The following KCNG2 variants were observed in gnomAD, a reference collection of about 807,000 sequenced individuals.
KCNG2 encodes the protein potassium voltage-gated channel modifier subfamily G member 2, also known as voltage-gated potassium channel regulatory subunit KCNG2.
A neutral mutation model predicts 12.3 loss-of-function variants in KCNG2; 7 were observed. The ratio of observed to expected loss-of-function variants is 0.57; its 90% CI spans 0.32 to 1.07. The LOEUF is 1.07. KCNG2 is among the 50% of genes least tolerant of loss of function. KCNG2 has a pLI of 0.04. For missense variants in KCNG2, 703 were observed against 726.0 expected, an observed-to-expected ratio of 0.97 and a Z score of 0.36; for synonymous variants, 414 against 351.4, an observed-to-expected ratio of 1.18 and a Z score of -1.99.
intron 1 of KCNG2, among the ~76,000 whole-genome samples, chr18:79,842,508 A>G (rs1978491979): frequency 6.6e-6 from 1 of 150,686 alleles, no homozygotes; most frequent in Non-Finnish European, 1.5e-5. Flanking sequence ...CAATAATGAA[A>G]CCTAAAGAAA....
intron 1 of KCNG2, among the ~76,000 whole-genome samples, chr18:79,833,518 A>G (rs1288191182): frequency 6.6e-6 from 1 of 152,198 alleles, no homozygotes. Flanking sequence ...TTTCAATTGC[A>G]TGTTGTTAGC....
At chr18:79,857,210 G>A (rs774788853) in intron 2 of KCNG2, among the ~76,000 whole-genome samples, 11 of 147,856 alleles carry the variant, frequency 7.4e-5, no homozygotes, top group South Asian at 2.2e-4. Flanking sequence ...TGAACCTTGG[G>A]GCACAGAGGC....
At position 79,897,810 on chromosome 18, in the gene KCNG2, G is replaced by A. The variant is rs561792305; in HGVS notation, c.625-1230G>A. 2.0e-4 allele frequency among the ~76,000 whole-genome samples: 31 copies of A among 152,138 alleles called. No individual in the cohort carries two copies. In the Middle Eastern group the frequency reaches 0.01, roughly 50 times the overall value. On this transcript the variant is annotated intron_variant, in intron 3 of 3. Coordinates refer to ENST00000316249, the MANE Select transcript of KCNG2 (RefSeq NM_012283.2). ...CCTCTTCCTCCCCAGCAACAGTCTCGGTGTCGAAGCACCAGTGTGCCACCG... is the reference window on the plus strand; with the variant it reads ...CCTCTTCCTCCCCAGCAACAGTCTCAGTGTCGAAGCACCAGTGTGCCACCG...
At chr18:79,890,981 G>A (rs1980725254) in intron 3 of KCNG2, among the ~76,000 whole-genome samples, 1 of 152,098 alleles carries the variant, frequency 6.6e-6, no homozygotes, top group African/African-American at 2.4e-5. Flanking sequence ...AAGATTTGTT[G>A]ATTTTGTTGA....
intron 3 of KCNG2, among the ~76,000 whole-genome samples, chr18:79,883,368 A>G (rs762382488): frequency 6.6e-6 from 1 of 152,222 alleles, no homozygotes; most frequent in South Asian, 2.1e-4. Context: ...GTCCAGACCC[A>G]TAAAGCTGAG....
intron 1 of KCNG2, among the ~76,000 whole-genome samples, chr18:79,849,018 G>C (rs1003775719): frequency 5.9e-5 from 9 of 152,108 alleles, no homozygotes; most frequent in African/African-American, 1.9e-4. Context: ...GTGCTTCCTG[G>C]ACACGGGACC....
In KCNG2 at chr18:79,829,923, G is replaced by A. The variant is rs138666541; in HGVS notation, c.-114-26456G>A. On this transcript the variant is annotated intron_variant, in intron 1 of 3. Coordinates refer to ENST00000316249, the MANE Select transcript of KCNG2 (RefSeq NM_012283.2). ...AAGAAAAAGGTACCAATTCTGCGAAGCTATTATGTTTTCATTTGTCTTGTC... is the reference window on the plus strand; with the variant it reads ...AAGAAAAAGGTACCAATTCTGCGAAACTATTATGTTTTCATTTGTCTTGTC... Among the ~76,000 whole-genome samples, 432 of 152,352 alleles carry A rather than the reference G, an allele frequency of 2.8e-3. 1 individual carries two copies. Among genetic ancestry groups the A allele is most frequent in the Non-Finnish European group, 4.3e-3 (293 of 68,036 alleles).
At chr18:79,836,244 A>C (rs1199483850) in intron 1 of KCNG2, among the ~76,000 whole-genome samples, 3 of 152,262 alleles carry the variant, frequency 2.0e-5, no homozygotes, top group Admixed American at 2.0e-4. Context: ...TGTATTTGAT[A>C]AGGTAGACTT....
At chr18:79,856,299 C>T (rs770121993) in intron 1 of KCNG2, among the ~76,000 whole-genome samples, 80 bp from the exon 2 acceptor site, 27 of 152,184 alleles carry the variant, frequency 1.8e-4, no homozygotes, top group Non-Finnish European at 3.7e-4. Flanking sequence ...AGGGGTGGGG[C>T]GTCAGAGCCA....
chr18:79,798,769 C>T (rs1173853832), intron 1 of KCNG2, among the ~76,000 whole-genome samples: 1 of 152,204 alleles, frequency 6.6e-6, no homozygotes, highest in Non-Finnish European at 1.5e-5. Flanking sequence ...TCACTGGGGA[C>T]GAGAAGGGTC....
intron 1 of KCNG2, among the ~76,000 whole-genome samples, chr18:79,835,717 C>T (rs959115716): frequency 6.6e-6 from 1 of 152,152 alleles, no homozygotes; most frequent in Non-Finnish European, 1.5e-5. Context: ...TGTGAAAATT[C>T]CTGATGTGGC....
At chr18:79,801,454 G>A (rs1306828205) in intron 1 of KCNG2, among the ~76,000 whole-genome samples, 1 of 152,222 alleles carries the variant, frequency 6.6e-6, no homozygotes, top group Non-Finnish European at 1.5e-5. Context: ...GGCCACACCT[G>A]CCCCGCACTG....
At chr18:79,847,013 C>T (rs891026323) in intron 1 of KCNG2, among the ~76,000 whole-genome samples, 1 of 152,198 alleles carries the variant, frequency 6.6e-6, no homozygotes, top group Non-Finnish European at 1.5e-5. Context: ...GTAAGTGACA[C>T]CTGAACCAAA....
chr18:79,867,630 G>C (rs1488872086), intron 3 of KCNG2, among the ~76,000 whole-genome samples: 3 of 151,944 alleles, frequency 2.0e-5, no homozygotes, highest in African/African-American at 4.8e-5. Flanking sequence ...CCTGGGCCTG[G>C]GGGTTTGTGT....
At chr18:79,804,479 T>TG (rs900624610) in intron 1 of KCNG2, among the ~76,000 whole-genome samples, 9 of 152,134 alleles carry the variant, frequency 5.9e-5, no homozygotes, top group African/African-American at 1.7e-4. Flanking sequence ...GCTGTGGCTG[T>TG]GGGGGGCCCT....
Position 79,887,954 on chromosome 18 carries a change from G to A in KCNG2, c.625-11086G>A, listed in dbSNP as rs933002697. Among the ~76,000 whole-genome samples, 13 of 152,258 alleles carry A rather than the reference G, an allele frequency of 8.5e-5. No individual in the cohort carries two copies. In the Middle Eastern group the frequency reaches 0.01, roughly 120 times the overall value. On this transcript the variant is annotated intron_variant, in intron 3 of 3. Coordinates refer to ENST00000316249, the MANE Select transcript of KCNG2 (RefSeq NM_012283.2). ...GGAGTGGATGTCTGACGAGGCCACC[G>A]TCTCGGGCTCACAGGGTAATAGCCT...
intron 1 of KCNG2, among the ~76,000 whole-genome samples, chr18:79,851,121 G>A (rs1465653511): frequency 6.6e-6 from 1 of 152,224 alleles, no homozygotes; most frequent in South Asian, 2.1e-4. Flanking sequence ...AGAGCAGGAC[G>A]TTCCCGAGAG....
chr18:79,841,912 A>G (rs1276716604), intron 1 of KCNG2, among the ~76,000 whole-genome samples: 1 of 152,212 alleles, frequency 6.6e-6, no homozygotes, highest in Non-Finnish European at 1.5e-5. Context: ...CCCCAAGTCC[A>G]CATAGCACAA....
At chr18:79,825,852 G>A (rs1465583348) in intron 1 of KCNG2, among the ~76,000 whole-genome samples, 3 of 152,214 alleles carry the variant, frequency 2.0e-5, no homozygotes, top group Non-Finnish European at 2.9e-5. Context: ...TGACCTGACC[G>A]TGCACTGTCA....
Sources: gnomAD v4.1 joint callset for allele counts (sites outside exome capture counted in the v4.1 genomes callset) on GRCh38, gnomAD v4.1.1 for gene constraint, MANE v1.5 for transcripts, NCBI Gene and HGNC (gene_info 2026-07-23, HGNC 2026-07-21) for gene names.